Variants in IRX5 observed in about 807,000 individuals in gnomAD.
IRX5 encodes the protein iroquois homeobox 5.
In IRX5, 8 loss-of-function variants were observed where a neutral mutation model predicts 37.6. The observed-to-expected ratio is 0.21, with a 90% confidence interval of 0.12 to 0.38. The LOEUF is 0.38. Among genes scored for constraint, IRX5 ranks in the 10% least tolerant of loss-of-function variants. The pLI, the probability that IRX5 is intolerant of heterozygous loss-of-function variation, is 1.00. For missense variants in IRX5, 635 were observed against 695.2 expected (o/e 0.91, Z 0.97); for synonymous variants, 359 against 328.6 (o/e 1.09, Z -1.00).
At position 54,933,166 on chromosome 16, in the gene IRX5, G is replaced by T; in HGVS notation, c.745G>T (p.Asp249Tyr). 1.3e-6 allele frequency: 2 copies of T among 1,570,478 alleles called. No individual in the cohort carries two copies. Among genetic ancestry groups the T allele is most frequent in the Middle Eastern group, 2.2e-4 (1 of 4,548 alleles). ...AGKETEGSLS[D>Y]SDFKEPPSEG... is the part of the protein sequence containing the mutation. ...CAAGGAGACGGAGGGCAGCCTCAGC[G>T]ACTCGGATTTTAAGGAGCCGCCCTC... The change falls in exon 3 of 3, where the codon GAC becomes TAC. Residue 249 changes from aspartate to tyrosine, a missense_variant. By Grantham distance (160) the Asp-to-Tyr change is radical. Around this residue, in one of 5 missense-constraint regions of IRX5, gnomAD observed 244 missense variants for 205.4 expected, o/e 1.19. Coordinates refer to ENST00000394636, the MANE Select transcript of IRX5 (RefSeq NM_005853.6).
Position 54,933,155 on chromosome 16 carries a change from G to A in IRX5, c.734G>A (p.Gly245Asp). 6.3e-7 allele frequency: 1 copy of A among 1,576,240 alleles called. No individual in the cohort carries two copies. Among genetic ancestry groups the A allele is most frequent in the African/African-American group, 1.3e-5 (1 of 74,528 alleles). Residue 245 changes from glycine to aspartate, a missense_variant, in exon 3 of 3, where the codon GGC becomes GAC. Coordinates refer to ENST00000394636, the MANE Select transcript of IRX5 (RefSeq NM_005853.6). ...ACCCCTGCAGGCAAGGAGACGGAGG[G>A]CAGCCTCAGCGACTCGGATTTTAAG... ...PPTPAGKETE[G>D]SLSDSDFKEP...
chr16:54,933,042 C>G (rs369112423), intron 2 of IRX5, 35 bp from the exon 3 acceptor site: 293 of 1,603,530 alleles, frequency 1.8e-4, no homozygotes, highest in South Asian at 7.1e-4. Context: ...GCCGCGCGGC[C>G]TCTGCGCCCC....
Position 54,933,356 on chromosome 16 carries a change from G to A in IRX5, c.935G>A (p.Gly312Asp). 6.7e-7 allele frequency: 1 copy of A among 1,499,468 alleles called. No homozygotes were observed. The allele number at this position is 1,499,468 out of a possible 1,614,324, so 92.9% of individuals were successfully genotyped here. The change falls in exon 3 of 3, where the codon GGC (glycine) becomes GAC (aspartate). Residue 312 changes from glycine (G) to aspartate (D), a missense_variant. Physicochemically the swap from Gly to Asp is moderately conservative, Grantham distance 94. Transcript: ENST00000394636. ...PAAGEVPPGPGGPSVIHSPPP... is the reference protein window; with the variant it reads ...PAAGEVPPGPDGPSVIHSPPP... Reference sequence around the variant, plus strand: ...GCGGGCGAGGTGCCTCCGGGTCCCGGCGGGCCCTCGGTTATCCATTCGCCG... The same window carrying A: ...GCGGGCGAGGTGCCTCCGGGTCCCGACGGGCCCTCGGTTATCCATTCGCCG...
Position 54,931,446 on chromosome 16 carries a change from T to C in IRX5, c.248T>C (p.Val83Ala). ...AAAAAAFSSY[V>A]GSPYDHTPGM... ...GCCGCCGCCGCCTTCTCCTCGTACG[T>C]GGTAAGTGAGCGGGATCCGCGGCGG... is the stretch of plus-strand genomic sequence containing the variant. The change falls in exon 1 of 3, where the codon GTG (valine) becomes GCG (alanine). Residue 83 changes from valine (V) to alanine (A), a missense_variant and splice_region_variant. Physicochemically the swap from Val to Ala is moderately conservative, Grantham distance 64. Coordinates refer to ENST00000394636, the MANE Select transcript of IRX5 (RefSeq NM_005853.6). The C allele has an allele frequency of 6.3e-7, 1 of 1,577,530 alleles. No individual in the cohort carries two copies. The highest frequency in any genetic ancestry group is 2.3e-4 in the Middle Eastern group (1 of 4,428).
In IRX5 at chr16:54,933,289, C is replaced by G; in HGVS notation, c.868C>G (p.His290Asp). The G allele has an allele frequency of 1.4e-6, 2 of 1,388,472 alleles. No individual in the cohort carries two copies. Among genetic ancestry groups the G allele is most frequent in the Non-Finnish European group, 1.9e-6 (2 of 1,079,400 alleles). 86.0% of individuals were successfully genotyped at this position (1,388,472 alleles called of 1,614,324 possible). A position where few individuals can be genotyped will look rare whatever the true frequency, so the allele number is the denominator to read the frequency against. Residue 290 changes from histidine (H) to aspartate (D), a missense_variant, in exon 3 of 3, where the codon CAC becomes GAC. Coordinates refer to ENST00000394636, the MANE Select transcript of IRX5 (RefSeq NM_005853.6). Reference protein sequence around the residue: ...AARLAEDPAPHYPAGAPAPGP... With the variant: ...AARLAEDPAPDYPAGAPAPGP... ...GCGGCTGGCGGAGGACCCGGCCCCT[C>G]ACTACCCCGCCGGAGCGCCGGCGCC...
At position 54,933,184 on chromosome 16, in the gene IRX5, C is replaced by A. The variant is rs13336114; in HGVS notation, c.763C>A (p.Pro255Thr). Residue 255 changes from proline to threonine, a missense_variant, in exon 3 of 3, where the codon CCG becomes ACG. Around this residue, in one of 5 missense-constraint regions of IRX5, gnomAD observed 244 missense variants for 205.4 expected, o/e 1.19. Coordinates refer to ENST00000394636, the MANE Select transcript of IRX5 (RefSeq NM_005853.6). Reference sequence around the variant, plus strand: ...CCTCAGCGACTCGGATTTTAAGGAGCCGCCCTCGGAGGGCCGCCTCGACGC... The same window carrying A: ...CCTCAGCGACTCGGATTTTAAGGAGACGCCCTCGGAGGGCCGCCTCGACGC... Reference protein sequence around the residue: ...GSLSDSDFKEPPSEGRLDALQ... With the variant: ...GSLSDSDFKETPSEGRLDALQ... The A allele has an allele frequency of 0.34, 529,620 of 1,550,820 alleles. 92,569 individuals are homozygous for A. The highest frequency in any genetic ancestry group is 0.52 in the East Asian group (21,953 of 42,038).
chr16:54,934,059 T>G lies in IRX5; in HGVS notation c.*186T>G. ...ATCTCCACACAAAAAAAAAAATGTC[T>G]TAACCAACCGAAAAGAAAAATTAAA... On this transcript the variant is annotated 3_prime_UTR_variant, in exon 3 of 3. Transcript: ENST00000394636. 1 of 488,814 alleles carries G rather than the reference T, an allele frequency of 2.0e-6. No individual in the cohort carries two copies. The highest frequency in any genetic ancestry group is 3.3e-6 in the Non-Finnish European group (1 of 298,856). The allele number at this position is 488,814 out of a possible 1,614,324, so 30.3% of individuals were successfully genotyped here. A position where few individuals can be genotyped will look rare whatever the true frequency, so the allele number is the denominator to read the frequency against.
rs747224112 is a variant in IRX5, at chr16:54,934,054, AT to A, written c.*182del. ...TAAACATCTCCACACAAAAAAAAAA[AT>A]GTCTTAACCAACCGAAAAGAAAAAT... On this transcript the variant is annotated 3_prime_UTR_variant, in exon 3 of 3. Coordinates refer to ENST00000394636, the MANE Select transcript of IRX5 (RefSeq NM_005853.6). The A allele has an allele frequency of 7.1e-4, 363 of 511,338 alleles. 2 individuals carry two copies. Among genetic ancestry groups the A allele is most frequent in the African/African-American group, 4.6e-3 (235 of 51,350 alleles). The allele number at this position is 511,338 out of a possible 1,614,324, so 31.7% of individuals were successfully genotyped here.
At position 54,933,695 on chromosome 16, in the gene IRX5, CG is replaced by C; in HGVS notation, c.1278del (p.Pro429GlnfsTer14). ...YGSFGHLHGH[P>X]GPGPGPTTGP... ...TCCTTCGGACACCTTCATGGCCACCCGGGGCCCGGGCCAGGCCCCACAACCG... is the reference window on the plus strand; with the variant it reads ...TCCTTCGGACACCTTCATGGCCACCCGGGCCCGGGCCAGGCCCCACAACCG... On this transcript the variant is annotated frameshift_variant, in exon 3 of 3. Transcript: ENST00000394636. LOFTEE classifies it high-confidence loss of function. 2 of 1,613,684 alleles carry C rather than the reference CG, an allele frequency of 1.2e-6. No individual in the cohort carries two copies. Among genetic ancestry groups the C allele is most frequent in the Non-Finnish European group, 1.7e-6 (2 of 1,179,812 alleles).
rs779625299 is a variant in IRX5 at position 54,933,473 on chromosome 16, G to T, written c.1052G>T (p.Gly351Val). The T allele has an allele frequency of 6.2e-7, 1 of 1,611,960 alleles. No homozygotes were observed. The highest frequency in any genetic ancestry group is 8.5e-7 in the Non-Finnish European group (1 of 1,179,448). The change falls in exon 3 of 3, where the codon GGC (glycine) becomes GTC (valine). Residue 351 changes from glycine (G) to valine (V), a missense_variant. Gly to Val is a moderately radical substitution (Grantham distance 109). This residue lies in a region of IRX5 where 188 missense variants were observed against 200.8 expected (regional missense o/e 0.94). Transcript: ENST00000394636. ...TCGTCGGACAAGGTCAAGGACGGGG[G>T]CGGCGGGAACGAGGGCTCTCCATGC... Reference protein sequence around the residue: ...ATSSDKVKDGGGGNEGSPCPP... With the variant: ...ATSSDKVKDGVGGNEGSPCPP...
Position 54,933,298 on chromosome 16 carries a change from G to T in IRX5, c.877G>T (p.Ala293Ser), listed in dbSNP as rs1245578005. The change falls in exon 3 of 3, where the codon GCC (alanine) becomes TCC (serine). Residue 293 changes from alanine to serine, a missense_variant. This residue lies in a region of IRX5 where 244 missense variants were observed against 205.4 expected (regional missense o/e 1.19). Coordinates refer to ENST00000394636, the MANE Select transcript of IRX5 (RefSeq NM_005853.6). The part of the protein sequence containing the change: ...LAEDPAPHYP[A>S]GAPAPGPHPA... ...GGAGGACCCGGCCCCTCACTACCCC[G>T]CCGGAGCGCCGGCGCCCGGCCCGCA... The T allele has an allele frequency of 1.4e-6, 2 of 1,398,700 alleles. No individual in the cohort carries two copies. The highest frequency in any genetic ancestry group is 1.6e-5 in the South Asian group (1 of 63,200). The allele number at this position is 1,398,700 out of a possible 1,614,324, so 86.6% of individuals were successfully genotyped here.
chr16:54,932,000 T>G (rs1963903196), intron 1 of IRX5: 1 of 689,462 alleles, frequency 1.5e-6, no homozygotes. Context: ...GGGTAGTATT[T>G]TTGGAGGGTG....
In IRX5 at chr16:54,933,380, C is replaced by T. The variant is rs1357688132; in HGVS notation, c.959C>T (p.Pro320Leu). ...GGCGGGCCCTCGGTTATCCATTCGC[C>T]GCCTCCGCCGCCGCCTCCTGCGGTG... ...GPGGPSVIHS[P>L]PPPPPPAVLA... is the part of the protein sequence containing the mutation. Residue 320 changes from proline (P) to leucine (L), a missense_variant, in exon 3 of 3, where the codon CCG (proline) becomes CTG (leucine). Around this residue, in one of 5 missense-constraint regions of IRX5, gnomAD observed 244 missense variants for 205.4 expected, o/e 1.19. Transcript: ENST00000394636. 1 of 1,540,190 alleles carries T rather than the reference C, an allele frequency of 6.5e-7. No homozygotes were observed. The highest frequency in any genetic ancestry group is 8.7e-7 in the Non-Finnish European group (1 of 1,147,308).
chr16:54,931,393 C>A lies in IRX5; in HGVS notation c.195C>A (p.Leu65=). The change falls in exon 1 of 3, where the codon CTC becomes CTA. Residue 65 remains leucine, a synonymous_variant. Coordinates refer to ENST00000394636, the MANE Select transcript of IRX5 (RefSeq NM_005853.6). ...TAPSPGYNSH[L]QYGADPAAAA... The stretch of plus-strand genomic sequence containing the variant: ...CCTCGCCGGGCTACAACTCGCACCT[C>A]CAGTACGGCGCCGACCCCGCGGCCG... 4 of 1,600,438 alleles carry A rather than the reference C, an allele frequency of 2.5e-6. No homozygotes were observed. The highest frequency in any genetic ancestry group is 3.4e-6 in the Non-Finnish European group (4 of 1,178,982).
chr16:54,933,962 G>C lies in IRX5; in HGVS notation c.*89G>C. On this transcript the variant is annotated 3_prime_UTR_variant, in exon 3 of 3. Coordinates refer to ENST00000394636, the MANE Select transcript of IRX5 (RefSeq NM_005853.6). ...TCCATCACCGAGAGAGAGAGACAGA[G>C]AGAGAAAATAAACTACCCCTCCTAT... The C allele has an allele frequency of 7.4e-7, 1 of 1,356,676 alleles. No individual in the cohort carries two copies. Among genetic ancestry groups the C allele is most frequent in the East Asian group, 2.4e-5 (1 of 42,200 alleles). 84.0% of individuals were successfully genotyped at this position (1,356,676 alleles called of 1,614,324 possible).
In IRX5 at chr16:54,933,447, A is replaced by G. The variant is rs778281430; in HGVS notation, c.1026A>G (p.Thr342=). Residue 342 remains threonine (T), a synonymous_variant, in exon 3 of 3, where the codon ACA becomes ACG. Coordinates refer to ENST00000394636, the MANE Select transcript of IRX5 (RefSeq NM_005853.6). Reference sequence around the variant, plus strand: ...TGTGGTCTTTGGCAGAGATCGCCACATCGTCGGACAAGGTCAAGGACGGGG... The same window carrying G: ...TGTGGTCTTTGGCAGAGATCGCCACGTCGTCGGACAAGGTCAAGGACGGGG... ...PKLWSLAEIA[T]SSDKVKDGGG... 5 of 1,611,626 alleles carry G rather than the reference A, an allele frequency of 3.1e-6. No individual in the cohort carries two copies. In the Admixed American group the frequency reaches 5.0e-5, roughly 16 times the overall value.
In IRX5 at chr16:54,933,577, C is replaced by A; in HGVS notation, c.1156C>A (p.Pro386Thr). Residue 386 changes from proline to threonine, a missense_variant, in exon 3 of 3, where the codon CCC becomes ACC. Coordinates refer to ENST00000394636, the MANE Select transcript of IRX5 (RefSeq NM_005853.6). ...ASPAPAPSRS[P>T]SAQCPFPGGT... ...GCCGGCCCCGGCGCCGTCACGCTCG[C>A]CCTCGGCGCAGTGTCCTTTTCCAGG... The A allele has an allele frequency of 6.2e-7, 1 of 1,609,246 alleles. No homozygotes were observed. Among genetic ancestry groups the A allele is most frequent in the Non-Finnish European group, 8.5e-7 (1 of 1,177,570 alleles).
rs534698908 is a variant in IRX5 at position 54,932,972 on chromosome 16, G to C, written c.655+69G>C. Reference sequence around the variant, plus strand: ...GAAAAGAGAGGCCTGGAGGGGGCGCGCACGGGGCCTGGAGGTTGGGGGCAG... The same window carrying C: ...GAAAAGAGAGGCCTGGAGGGGGCGCCCACGGGGCCTGGAGGTTGGGGGCAG... On this transcript the variant is annotated intron_variant, in intron 2 of 2. Coordinates refer to ENST00000394636, the MANE Select transcript of IRX5 (RefSeq NM_005853.6). The surrounding 1 kb of genome is among the most constrained non-coding windows in gnomAD (Gnocchi z 6.7). 3 of 1,584,604 alleles carry C rather than the reference G, an allele frequency of 1.9e-6. No individual in the cohort carries two copies. Among genetic ancestry groups the C allele is most frequent in the Non-Finnish European group, 2.6e-6 (3 of 1,168,660 alleles).
At chr16:54,931,976 G>GT in intron 1 of IRX5, 1 of 655,764 alleles carries the variant, frequency 1.5e-6, no homozygotes, top group Non-Finnish European at 2.8e-6. Flanking sequence ...CGGCCGGGTT[G>GT]TAACTTCGGT....
Sources: allele counts gnomAD v4.1 joint callset, GRCh38; gene constraint gnomAD v4.1.1; regional missense constraint gnomAD v4.1.1; non-coding constraint Gnocchi (gnomAD v3.1); transcripts MANE v1.5; gene names NCBI Gene and HGNC (gene_info 2026-07-23, HGNC 2026-07-21).